CFAP161: variants seen among roughly 807,000 people sequenced by gnomAD.
CFAP161 encodes the protein cilia and flagella associated protein 161.
In CFAP161, 25 loss-of-function variants were observed where a neutral mutation model predicts 29.0. The ratio of observed to expected loss-of-function variants is 0.86; its 90% confidence interval spans 0.63 to 1.20. CFAP161 has a LOEUF of 1.20. CFAP161 is among the 50% of genes most tolerant of loss of function. The pLI, the probability that CFAP161 is intolerant of heterozygous loss-of-function variation, is 0.00. For synonymous variants in CFAP161, 116 were observed against 137.4 expected (o/e 0.84, Z 1.09); for missense variants, 367 against 371.9 (o/e 0.99, Z 0.11).
At chr15:81,145,905 G>A (rs913904157) in intron 5 of CFAP161, among the ~76,000 whole-genome samples, 1 of 152,186 alleles carries the variant, frequency 6.6e-6, no homozygotes, top group African/African-American at 2.4e-5. Flanking sequence ...GATGCTGTCA[G>A]GAAGTGGGGG....
chr15:81,126,242 A>T (rs1482582740), intron 1 of CFAP161, among the ~76,000 whole-genome samples: 2 of 152,242 alleles, frequency 1.3e-5, no homozygotes, highest in Admixed American at 1.3e-4. Context: ...TCACATTGCT[A>T]AACTTTATTT....
upstream of CFAP161, among the ~76,000 whole-genome samples, chr15:81,130,085 T>C (rs1419013317): frequency 6.6e-6 from 1 of 152,200 alleles, no homozygotes; most frequent in Non-Finnish European, 1.5e-5. Context: ...TTTTATGTTA[T>C]GAAGATGGCT....
chr15:81,142,432 G>T (rs1894927033), intron 4 of CFAP161, among the ~76,000 whole-genome samples: 1 of 151,998 alleles, frequency 6.6e-6, no homozygotes, highest in African/African-American at 2.4e-5. Context: ...TGTGGCATTT[G>T]AGGCCTTCTG....
chr15:81,105,151 CCCTCCCTCCCTT>C (rs1894350980), intron 1 of CFAP161, among the ~76,000 whole-genome samples: 4 of 23,152 alleles, frequency 1.7e-4, no homozygotes, highest in Admixed American at 6.7e-4. Context: ...CTCCCTCCCT[CCCTCCCTCCCTT>C]CCTTCCTCCC....
intron 1 of CFAP161, among the ~76,000 whole-genome samples, chr15:81,123,409 G>C (rs1330198383): frequency 6.6e-6 from 1 of 152,118 alleles, no homozygotes; most frequent in East Asian, 1.9e-4. Context: ...GTCTGTTTTT[G>C]TACCAGTATC....
chr15:81,134,465 T>C, intron 1 of CFAP161, 67 bp downstream of exon 1: 1 of 1,496,694 alleles, frequency 6.7e-7, no homozygotes. Context: ...CTAAGTTCAG[T>C]CTCCTACTTT....
intron 1 of CFAP161, among the ~76,000 whole-genome samples, chr15:81,121,249 G>A (rs1894568864): frequency 6.6e-6 from 1 of 151,892 alleles, no homozygotes; most frequent in African/African-American, 2.4e-5. Flanking sequence ...TTTACTTTAG[G>A]ACAAAATTTA....
rs182861537 is a variant in CFAP161, at chr15:81,113,846, G to A, written c.-141-13744G>A. On this transcript the variant is annotated intron_variant, in intron 1 of 4. Coordinates refer to the CFAP161 transcript ENST00000560091. ...AGTGGAGCTAAAAGTCTCCACTCTC[G>A]AATCACTTGGTCCTTCTGGTGGCCA... 1.4e-3 allele frequency among the ~76,000 whole-genome samples: 209 copies of A among 152,232 alleles called. 1 individual carries two copies. Among genetic ancestry groups the A allele is most frequent in the African/African-American group, 4.7e-3 (197 of 41,542 alleles).
intron 1 of CFAP161, among the ~76,000 whole-genome samples, chr15:81,106,186 G>C (rs188078673): frequency 1.6e-4 from 25 of 152,310 alleles, no homozygotes; most frequent in African/African-American, 6.0e-4. Context: ...GAAGGGTCTT[G>C]AGAAAGTAAA....
intron 3 of CFAP161, among the ~76,000 whole-genome samples, chr15:81,137,472 T>C (rs1487628082): frequency 6.6e-6 from 1 of 152,182 alleles, no homozygotes; most frequent in Non-Finnish European, 1.5e-5. Flanking sequence ...GGCAGGCTCC[T>C]GTAATTCCAG....
intron 5 of CFAP161, among the ~76,000 whole-genome samples, chr15:81,144,509 T>C (rs1478586049): frequency 1.3e-5 from 2 of 152,152 alleles, no homozygotes; most frequent in Non-Finnish European, 1.5e-5. Context: ...GGCATGAGAA[T>C]CTTTTGTACC....
chr15:81,128,370 G>A (rs1278047812), intron 2 of CFAP161, among the ~76,000 whole-genome samples: 1 of 152,184 alleles, frequency 6.6e-6, no homozygotes, highest in Non-Finnish European at 1.5e-5. Flanking sequence ...TTATGTAATA[G>A]TCTAAATCCT....
intron 1 of CFAP161, among the ~76,000 whole-genome samples, chr15:81,107,922 A>G (rs560699741): frequency 6.9e-6 from 1 of 144,132 alleles, no homozygotes; most frequent in East Asian, 2.0e-4. Flanking sequence ...CTCTTATCAC[A>G]TTTTTTTTTT....
chr15:81,116,015 C>T (rs534360632), intron 1 of CFAP161, among the ~76,000 whole-genome samples: 42 of 152,124 alleles, frequency 2.8e-4, no homozygotes, highest in African/African-American at 1.0e-3. Context: ...CCTGTTGTAA[C>T]CATGTGGCCT....
intron 1 of CFAP161, among the ~76,000 whole-genome samples, chr15:81,121,474 G>T (rs1286046824): frequency 6.6e-6 from 1 of 151,620 alleles, no homozygotes; most frequent in Admixed American, 6.6e-5. Context: ...TCAACAGAGA[G>T]CATATTTGTA....
chr15:81,146,630 C>T (rs963871227), intron 5 of CFAP161, among the ~76,000 whole-genome samples: 1 of 151,396 alleles, frequency 6.6e-6, no homozygotes, highest in Non-Finnish European at 1.5e-5. Context: ...AGTCATGTGT[C>T]ACTCAATGAT....
At chr15:81,102,225 C>G (rs1335971196) in intron 1 of CFAP161, among the ~76,000 whole-genome samples, 2 of 152,130 alleles carry the variant, frequency 1.3e-5, no homozygotes, top group Non-Finnish European at 2.9e-5. Flanking sequence ...TGATCTAGGT[C>G]CCTGAGCTGC....
intron 5 of CFAP161, among the ~76,000 whole-genome samples, chr15:81,144,438 A>G (rs1316084311): frequency 6.6e-6 from 1 of 152,278 alleles, no homozygotes; most frequent in African/African-American, 2.4e-5. Context: ...TCTACAAAAA[A>G]TACAAAAATT....
chr15:81,145,333 G>A (rs1402593191), intron 5 of CFAP161, among the ~76,000 whole-genome samples: 1 of 152,190 alleles, frequency 6.6e-6, no homozygotes, highest in African/African-American at 2.4e-5. Flanking sequence ...TTGCCTTCTA[G>A]TTCCACAATT....
Sources: allele counts gnomAD v4.1 joint callset (sites outside exome capture counted in the v4.1 genomes callset), GRCh38; gene constraint gnomAD v4.1.1; transcripts MANE v1.5; gene names NCBI Gene and HGNC (gene_info 2026-07-23, HGNC 2026-07-21).